JMJD1C: variants seen among roughly 807,000 people sequenced by gnomAD.
JMJD1C encodes jumonji domain containing 1C.
In JMJD1C, 31 loss-of-function variants were observed where a neutral mutation model predicts 245.3. That is an observed-to-expected ratio of 0.13 (90% confidence interval 0.09 to 0.17). JMJD1C has a LOEUF of 0.17. Ranked by LOEUF, JMJD1C falls within the 10% of genes least tolerant of loss-of-function variation. The probability of loss-of-function intolerance (pLI) is 1.00; values close to 1 mark genes in which losing one functional copy is unlikely to be tolerated. For synonymous variants in JMJD1C, 1,057 were observed against 1,017.4 expected, an observed-to-expected ratio of 1.04 and a Z score of -0.74; for missense variants, 2,691 against 3,000.2, an observed-to-expected ratio of 0.90 and a Z score of 2.41.
intron 11 of JMJD1C, 38 bp downstream of exon 11, chr10:63,200,438 A>G (rs372473530): frequency 2.4e-5 from 36 of 1,486,024 alleles, no homozygotes; most frequent in Non-Finnish European, 3.7e-6. Flanking sequence ...TATCAAATCA[A>G]TAAATTACTT....
chr10:63,521,490 G>A (rs1430895754), intron 1 of JMJD1C: 29 of 1,278,866 alleles, frequency 2.3e-5, no homozygotes, highest in Non-Finnish European at 2.8e-5. Context: ...TGGCGGCCTG[G>A]TCCGCAGCGC....
intron 2 of JMJD1C, among the ~76,000 whole-genome samples, chr10:63,335,024 A>AG (rs376008368): frequency 5.0e-3 from 76 of 15,274 alleles, no homozygotes; most frequent in African/African-American, 0.041. Context: ...CTGTCTTTGG[A>AG]AAAAAATAAA....
chr10:63,355,198 G>T (rs1040501579), intron 2 of JMJD1C, among the ~76,000 whole-genome samples: 2 of 151,796 alleles, frequency 1.3e-5, no homozygotes, highest in Admixed American at 6.6e-5. Flanking sequence ...AGATTCATAA[G>T]AAATTGCATT....
intron 2 of JMJD1C, among the ~76,000 whole-genome samples, chr10:63,265,476 G>A (rs908908547): frequency 6.6e-6 from 1 of 152,078 alleles, no homozygotes; most frequent in Non-Finnish European, 1.5e-5. Context: ...GATTTAACTC[G>A]TATCTTGGGT....
At position 63,385,945 on chromosome 10, in the gene JMJD1C, G is replaced by A. The variant is rs567740877; in HGVS notation, c.169-5463C>T. ...TAACAAAAATGTTCAGAGCATATAC[G>A]GTGAAAACTACAATACACCAAACAT... On this transcript the variant is annotated intron_variant, in intron 1 of 25. Coordinates refer to ENST00000399262, the MANE Select transcript of JMJD1C (RefSeq NM_032776.3). Among the ~76,000 whole-genome samples, 16 of 152,030 alleles carry A rather than the reference G, an allele frequency of 1.1e-4. No homozygotes were observed. In the East Asian group the frequency reaches 1.7e-3, roughly 17 times the overall value.
At chr10:63,176,543 C>A (rs1435889451) in intron 23 of JMJD1C, 70 bp from the exon 24 acceptor site, 1 of 1,155,392 alleles carries the variant, frequency 8.7e-7, no homozygotes, top group South Asian at 1.5e-5. Context: ...AGTTAAATTT[C>A]AATTTTATTT....
intron 3 of JMJD1C, among the ~76,000 whole-genome samples, chr10:63,262,589 T>C (rs775994350): frequency 6.6e-6 from 1 of 152,218 alleles, no homozygotes; most frequent in Non-Finnish European, 1.5e-5. Context: ...TAATTCCTAC[T>C]GATTTCTTTG....
At chr10:63,269,864 G>T (rs1856066530) in intron 2 of JMJD1C, among the ~76,000 whole-genome samples, 1 of 152,134 alleles carries the variant, frequency 6.6e-6, no homozygotes, top group African/African-American at 2.4e-5. Flanking sequence ...AAATTCTAGA[G>T]TTCTGCTGTC....
intron 2 of JMJD1C, among the ~76,000 whole-genome samples, chr10:63,353,988 A>G (rs565236725): frequency 1.3e-5 from 2 of 151,994 alleles, no homozygotes; most frequent in South Asian, 4.2e-4. Flanking sequence ...CTACAGGCAC[A>G]CACCACCACA....
chr10:63,379,485 AAATT>A (rs1947039343), intron 2 of JMJD1C, among the ~76,000 whole-genome samples: 1 of 152,156 alleles, frequency 6.6e-6, no homozygotes. Context: ...AATTTACTGA[AAATT>A]ATTATATTTT....
In JMJD1C at chr10:63,426,759, T is replaced by C. The variant is rs1589726586; in HGVS notation, c.168+38736A>G. The stretch of plus-strand genomic sequence containing the variant: ...TCATTTCACAAGAAAGAAAATGAAA[T>C]ATATGAAGTTTTTTCCTTTTCACCA... On this transcript the variant is annotated intron_variant, in intron 1 of 25. Coordinates refer to ENST00000399262, the MANE Select transcript of JMJD1C (RefSeq NM_032776.3). Among the ~76,000 whole-genome samples, 5 of 152,212 alleles carry C rather than the reference T, an allele frequency of 3.3e-5. 2 individuals carry two copies. The highest frequency in any genetic ancestry group is 3.3e-4 in the Admixed American group (5 of 15,284).
At chr10:63,314,949 C>CTTTTTTTTTTTTTTTTTTTTTTTT (rs201119978) in intron 2 of JMJD1C, among the ~76,000 whole-genome samples, 1 of 118,598 alleles carries the variant, frequency 8.4e-6, no homozygotes. Flanking sequence ...TGTGCCCAGC[C>CTTTTTTTTTTTTTTTTTTTTTTTT]TTTTTTGTTT....
chr10:63,336,849 T>C (rs1480135483), intron 2 of JMJD1C, among the ~76,000 whole-genome samples: 1 of 152,088 alleles, frequency 6.6e-6, no homozygotes, highest in African/African-American at 2.4e-5. Context: ...CCCTCTTTTT[T>C]TGTTTGTTTT....
chr10:63,442,054 T>C (rs556355229), intron 1 of JMJD1C, among the ~76,000 whole-genome samples: 113 of 152,312 alleles, frequency 7.4e-4, no homozygotes, highest in Non-Finnish European at 4.7e-4. Flanking sequence ...TGATGACTGG[T>C]TGAGGTAACT....
At chr10:63,461,099 G>A (rs1033844230) in intron 1 of JMJD1C, among the ~76,000 whole-genome samples, 1 of 152,140 alleles carries the variant, frequency 6.6e-6, no homozygotes, top group African/African-American at 2.4e-5. Context: ...CTAGCTAGTG[G>A]TAGTAACTGC....
At chr10:63,228,787 C>T (rs1849615709) in intron 3 of JMJD1C, among the ~76,000 whole-genome samples, 1 of 152,116 alleles carries the variant, frequency 6.6e-6, no homozygotes, top group Admixed American at 6.6e-5. Context: ...TCCTTTTCAC[C>T]AGTAAAGACA....
At chr10:63,410,142 G>A (rs1433594432) in intron 1 of JMJD1C, among the ~76,000 whole-genome samples, 1 of 152,118 alleles carries the variant, frequency 6.6e-6, no homozygotes, top group African/African-American at 2.4e-5. Context: ...ACGACAAGCA[G>A]ACCCTAGGTA....
chr10:63,381,827 G>A (rs1260493041), intron 1 of JMJD1C, among the ~76,000 whole-genome samples: 1 of 152,126 alleles, frequency 6.6e-6, no homozygotes, highest in East Asian at 1.9e-4. Flanking sequence ...GTGTTGATCA[G>A]TAAAGATTAG....
chr10:63,409,188 C>G (rs1949345457), intron 1 of JMJD1C, among the ~76,000 whole-genome samples: 2 of 152,164 alleles, frequency 1.3e-5, no homozygotes, highest in South Asian at 4.1e-4. Flanking sequence ...TTCAAAAGCA[C>G]AGTCATTACA....
Sources: gnomAD v4.1 joint callset for allele counts (sites outside exome capture counted in the v4.1 genomes callset) on GRCh38, gnomAD v4.1.1 for gene constraint, MANE v1.5 for transcripts, NCBI Gene and HGNC (gene_info 2026-07-23, HGNC 2026-07-21) for gene names.